Variants in GABRR2 observed in about 807,000 individuals in gnomAD.
The protein encoded by GABRR2 is gamma-aminobutyric acid type A receptor subunit rho2, also known as gamma-aminobutyric acid receptor subunit rho-2.
Under a neutral mutation model 47.0 loss-of-function variants are expected in GABRR2, and 36 were observed. The ratio of observed to expected loss-of-function variants is 0.77; its 90% CI spans 0.59 to 1.01. The LOEUF (loss-of-function observed/expected upper bound fraction) is 1.01, where lower values mean the gene tolerates loss of function less well. Ranked by LOEUF, GABRR2 falls within the 50% of genes least tolerant of loss-of-function variation. The probability of loss-of-function intolerance (pLI) is 0.00; values close to 1 mark genes in which losing one functional copy is unlikely to be tolerated. For missense variants in GABRR2, 587 were observed against 594.6 expected (o/e 0.99, Z 0.13); for synonymous variants, 204 against 227.5 (o/e 0.90, Z 0.93).
At chr6:89,271,797 TC>T in intron 2 of GABRR2, 75 bp from the exon 3 acceptor site, 1 of 1,281,156 alleles carries the variant, frequency 7.8e-7, no homozygotes, top group Non-Finnish European at 1.1e-6. Flanking sequence ...CCAGTTGGCT[TC>T]CCCCGGGGAG....
At chr6:89,268,159 G>A in intron 4 of GABRR2, 63 bp from the exon 5 acceptor site, 1 of 1,239,650 alleles carries the variant, frequency 8.1e-7, no homozygotes, top group South Asian at 1.3e-5. Flanking sequence ...CATCTGCCCA[G>A]AGCAAGAAGG....
chr6:89,313,409 C>T (rs921091195), intron 1 of GABRR2, among the ~76,000 whole-genome samples: 6 of 152,294 alleles, frequency 3.9e-5, no homozygotes, highest in Middle Eastern at 3.4e-3. Context: ...GGGTTTTCCA[C>T]GTTTTGGTGG....
rs763161503 is a variant in GABRR2 at position 89,282,936 on chromosome 6, C to T, written c.221-11214G>A. ...GGCAGACACGTGGAACTGGTGACTA[C>T]GGTGCCGACTCCATCCTGTGTGCTG... On this transcript the variant is annotated intron_variant, in intron 2 of 8. Transcript: ENST00000402938. Among the ~76,000 whole-genome samples the T allele has an allele frequency of 6.6e-5, 10 of 152,352 alleles. No homozygotes were observed. The East Asian group carries it at 1.2e-3, about 18-fold the overall frequency.
chr6:89,266,761 C>T (rs1773906185), intron 6 of GABRR2, among the ~76,000 whole-genome samples: 1 of 152,212 alleles, frequency 6.6e-6, no homozygotes, highest in South Asian at 2.1e-4. Context: ...GCACCCATTA[C>T]ACAATAACTC....
chr6:89,255,305 G>A lies in GABRR2; in HGVS notation c.*2365C>T, dbSNP rs1357206562. ...ATACAAAAGTTAGCCAGGCATGGTG[G>A]CGCATGCCTGTAATCCCAGCTACTC... On this transcript the variant is annotated 3_prime_UTR_variant, in exon 9 of 9. Transcript: ENST00000402938. Among the ~76,000 whole-genome samples the A allele has an allele frequency of 6.6e-6, 1 of 152,136 alleles. No individual in the cohort carries two copies. Among genetic ancestry groups the A allele is most frequent in the Non-Finnish European group, 1.5e-5 (1 of 68,038 alleles).
At position 89,256,510 on chromosome 6, in the gene GABRR2, A is replaced by G. The variant is rs1773602763; in HGVS notation, c.*1160T>C. Among the ~76,000 whole-genome samples the G allele has an allele frequency of 6.6e-6, 1 of 152,160 alleles. No homozygotes were observed. The highest frequency in any genetic ancestry group is 1.5e-5 in the Non-Finnish European group (1 of 68,030). ...ATTGACAAGAGTTGCTGTGTAGTAAAGGACTAACCTTTACTAGGAAGCAAC... is the reference window on the plus strand; with the variant it reads ...ATTGACAAGAGTTGCTGTGTAGTAAGGGACTAACCTTTACTAGGAAGCAAC... On this transcript the variant is annotated 3_prime_UTR_variant, in exon 9 of 9. Transcript: ENST00000402938.
At chr6:89,274,341 C>T (rs915855707) in intron 2 of GABRR2, among the ~76,000 whole-genome samples, 13 of 152,176 alleles carry the variant, frequency 8.5e-5, no homozygotes, top group African/African-American at 3.1e-4. Flanking sequence ...TTGGTCTGAG[C>T]GCTGCCTTTG....
rs150420549 is a variant in GABRR2 at position 89,284,042 on chromosome 6, A to C, written c.221-12320T>G. On this transcript the variant is annotated intron_variant, in intron 2 of 8. Transcript: ENST00000402938. ...ACTCTCCGATGGTCCCACCACTCCAAAGATGGTTGGGGTTGTTTCAAGAGA... is the reference window on the plus strand; with the variant it reads ...ACTCTCCGATGGTCCCACCACTCCACAGATGGTTGGGGTTGTTTCAAGAGA... Among the ~76,000 whole-genome samples the C allele has an allele frequency of 7.2e-5, 11 of 152,240 alleles. No individual in the cohort carries two copies. In the East Asian group the frequency reaches 2.1e-3, roughly 29 times the overall value.
chr6:89,308,468 G>A (rs989324583), intron 1 of GABRR2, among the ~76,000 whole-genome samples: 27 of 152,212 alleles, frequency 1.8e-4, no homozygotes, highest in African/African-American at 6.5e-4. Flanking sequence ...CCTCAGTGGA[G>A]TGTGATAATA....
In GABRR2 at chr6:89,255,482, CA is replaced by C. The variant is rs1314712560; in HGVS notation, c.*2187del. The stretch of plus-strand genomic sequence containing the variant: ...CTAAACAAGTCCAGATGCCCTGTAC[CA>C]CCCAATTACCCATATTTATGCATTT... On this transcript the variant is annotated 3_prime_UTR_variant, in exon 9 of 9. Transcript: ENST00000402938. Among the ~76,000 whole-genome samples the C allele has an allele frequency of 2.0e-5, 3 of 152,070 alleles. No homozygotes were observed. Among genetic ancestry groups the C allele is most frequent in the Non-Finnish European group, 2.9e-5 (2 of 67,994 alleles).
At chr6:89,271,128 CAGA>C (rs1351114293) in intron 3 of GABRR2, among the ~76,000 whole-genome samples, 2 of 151,970 alleles carry the variant, frequency 1.3e-5, no homozygotes, top group Admixed American at 1.3e-4. Context: ...GAGAGGCATA[CAGA>C]AGAAGGAAGA....
intron 2 of GABRR2, among the ~76,000 whole-genome samples, chr6:89,292,761 ACGATATATCGTATATATC>A (rs1774478935): frequency 3.8e-5 from 2 of 53,080 alleles, no homozygotes; most frequent in African/African-American, 9.3e-5. Flanking sequence ...TATCGTATAT[ACGATATATCGTATATATC>A]GTATATACGA....
chr6:89,264,360 C>A, intron 8 of GABRR2, 52 bp downstream of exon 8: 1 of 1,559,916 alleles, frequency 6.4e-7, no homozygotes, highest in East Asian at 2.3e-5. Context: ...AGAAGACCTT[C>A]ATTTTCACCC....
chr6:89,308,453 C>T (rs1767611383), intron 1 of GABRR2, among the ~76,000 whole-genome samples: 1 of 152,160 alleles, frequency 6.6e-6, no homozygotes, highest in Non-Finnish European at 1.5e-5. Flanking sequence ...ATAATCTTTC[C>T]ATTACCTCAG....
chr6:89,288,352 TGAGA>T (rs933523829), intron 2 of GABRR2, among the ~76,000 whole-genome samples: 1 of 151,638 alleles, frequency 6.6e-6, no homozygotes, highest in African/African-American at 2.4e-5. Flanking sequence ...AGGAAACCAG[TGAGA>T]GAGAGCAAGG....
At chr6:89,296,771 A>C (rs960711682) in intron 2 of GABRR2, among the ~76,000 whole-genome samples, 1 of 152,224 alleles carries the variant, frequency 6.6e-6, no homozygotes, top group Non-Finnish European at 1.5e-5. Context: ...GTGTTGCAGC[A>C]TTCTGCTCAG....
At chr6:89,301,891 G>A (rs945787706) in intron 1 of GABRR2, 53 of 1,139,352 alleles carry the variant, frequency 4.7e-5, no homozygotes, top group Non-Finnish European at 7.0e-5. Context: ...CGGCAACTAC[G>A]TGGGGAACTC....
intron 1 of GABRR2, among the ~76,000 whole-genome samples, chr6:89,306,403 T>C (rs1582466020): frequency 1.3e-5 from 2 of 152,168 alleles, no homozygotes; most frequent in African/African-American, 4.8e-5. Flanking sequence ...AATGGTTTTG[T>C]GATAAATATA....
At chr6:89,275,284 CT>C (rs1774138323) in intron 2 of GABRR2, among the ~76,000 whole-genome samples, 1 of 151,732 alleles carries the variant, frequency 6.6e-6, no homozygotes, top group Admixed American at 6.6e-5. Flanking sequence ...ACTTTTTTTT[CT>C]GTTTTTAAGA....
Sources: allele counts gnomAD v4.1 joint callset (sites outside exome capture counted in the v4.1 genomes callset), GRCh38; gene constraint gnomAD v4.1.1; transcripts MANE v1.5; gene names NCBI Gene and HGNC (gene_info 2026-07-23, HGNC 2026-07-21).